Variants in UCK2 observed in about 807,000 individuals in gnomAD.
UCK2 encodes cytidine monophosphokinase 2.
A neutral mutation model predicts 30.8 loss-of-function variants in UCK2; 6 were observed. The ratio of observed to expected loss-of-function variants is 0.19; its 90% CI spans 0.11 to 0.38. The LOEUF (loss-of-function observed/expected upper bound fraction) is 0.38. Ranked by LOEUF, UCK2 falls within the 10% of genes least tolerant of loss-of-function variation. The probability of loss-of-function intolerance (pLI) is 1.00; values close to 1 mark genes in which losing one functional copy is unlikely to be tolerated. For synonymous variants in UCK2, 125 were observed against 133.6 expected (o/e 0.94, Z 0.45); for missense variants, 210 against 339.8 (o/e 0.62, Z 3.00).
At chr1:165,852,365 A>G (rs1437747034) in intron 1 of UCK2, among the ~76,000 whole-genome samples, 1 of 152,212 alleles carries the variant, frequency 6.6e-6, no homozygotes. Context: ...AACTTAAACA[A>G]ATTTACAAGA....
At chr1:165,892,576 G>A (rs12087157) in intron 3 of UCK2, 1 of 152,242 alleles carries the variant, frequency 6.6e-6, no homozygotes, top group Non-Finnish European at 1.5e-5. Context: ...TGTTGGCGTA[G>A]TAACCTGGAA....
chr1:165,827,893 C>A lies in UCK2; in HGVS notation c.60C>A (p.Pro20=). 1 of 1,477,074 alleles carries A rather than the reference C, an allele frequency of 6.8e-7. No homozygotes were observed. Among genetic ancestry groups the A allele is most frequent in the South Asian group, 1.4e-5 (1 of 72,728 alleles). The allele number at this position is 1,477,074 out of a possible 1,614,324, so 91.5% of individuals were successfully genotyped here. A position where few individuals can be genotyped will look rare whatever the true frequency, so the allele number is the denominator to read the frequency against. The change falls in exon 1 of 7, where the codon CCC becomes CCA. Residue 20 remains proline, a synonymous_variant. Coordinates refer to ENST00000367879, the MANE Select transcript of UCK2 (RefSeq NM_012474.5). ...QNHQQPNGGE[P]FLIGVSGGTA... Reference sequence around the variant, plus strand: ...ACCAGCAGCCCAACGGCGGCGAGCCCTTCCTTATAGGCGTCAGCGGGGGAA... The same window carrying A: ...ACCAGCAGCCCAACGGCGGCGAGCCATTCCTTATAGGCGTCAGCGGGGGAA...
intron 1 of UCK2, among the ~76,000 whole-genome samples, chr1:165,871,249 C>T (rs1655189661): frequency 6.6e-6 from 1 of 152,138 alleles, no homozygotes; most frequent in Non-Finnish European, 1.5e-5. Flanking sequence ...ACAGGATACC[C>T]TGCACAAGGT....
intron 1 of UCK2, among the ~76,000 whole-genome samples, chr1:165,878,939 G>T (rs1166141588): frequency 6.6e-6 from 1 of 152,238 alleles, no homozygotes; most frequent in East Asian, 1.9e-4. Flanking sequence ...TACCAGCAAT[G>T]AGTGAGAGTT....
chr1:165,860,864 G>T (rs1365786036), intron 1 of UCK2, among the ~76,000 whole-genome samples: 1 of 152,128 alleles, frequency 6.6e-6, no homozygotes, highest in Non-Finnish European at 1.5e-5. Flanking sequence ...AACCAAGTCT[G>T]CATGATTTGC....
chr1:165,847,869 C>G (rs1654490499), intron 1 of UCK2, among the ~76,000 whole-genome samples: 1 of 152,156 alleles, frequency 6.6e-6, no homozygotes. Flanking sequence ...TCTTGGCTCA[C>G]TACCTCTGCC....
intron 1 of UCK2, among the ~76,000 whole-genome samples, chr1:165,880,558 TTTTTGGGG>T (rs1422359730): frequency 3.0e-4 from 26 of 86,482 alleles, no homozygotes; most frequent in East Asian, 1.3e-3. Context: ...CATTCAGTTT[TTTTTGGGG>T]GTGTGTGTGT....
chr1:165,827,747 G>T lies in UCK2; in HGVS notation c.-87G>T. 2 of 1,187,732 alleles carry T rather than the reference G, an allele frequency of 1.7e-6. No individual in the cohort carries two copies. The highest frequency in any genetic ancestry group is 2.1e-6 in the Non-Finnish European group (2 of 930,826). 73.6% of individuals were successfully genotyped at this position (1,187,732 alleles called of 1,614,324 possible). ...GCCCCGGCAGCGCCCAGCGGCGGCTGCGGAAAGCGGAGGGAGTCCGACGCG... is the reference window on the plus strand; with the variant it reads ...GCCCCGGCAGCGCCCAGCGGCGGCTTCGGAAAGCGGAGGGAGTCCGACGCG... On this transcript the variant is annotated 5_prime_UTR_variant, in exon 1 of 7. Coordinates refer to ENST00000367879, the MANE Select transcript of UCK2 (RefSeq NM_012474.5).
At chr1:165,851,640 G>GA (rs931445838) in intron 1 of UCK2, among the ~76,000 whole-genome samples, 6 of 151,834 alleles carry the variant, frequency 4.0e-5, no homozygotes, top group African/African-American at 1.2e-4. Flanking sequence ...TAACACAAAG[G>GA]AAAAAAATGG....
At chr1:165,843,861 T>C (rs939992441) in intron 1 of UCK2, among the ~76,000 whole-genome samples, 2 of 152,246 alleles carry the variant, frequency 1.3e-5, no homozygotes, top group Admixed American at 6.5e-5. Context: ...ACTCTCTTGA[T>C]TCCACTGCCT....
chr1:165,889,055 A>T (rs1485739979), intron 1 of UCK2, among the ~76,000 whole-genome samples: 1 of 152,192 alleles, frequency 6.6e-6, no homozygotes, highest in Non-Finnish European at 1.5e-5. Context: ...ACTAACAACA[A>T]CACACAAAGC....
chr1:165,905,342 G>A (rs1022160109), intron 5 of UCK2, among the ~76,000 whole-genome samples: 6 of 152,066 alleles, frequency 3.9e-5, no homozygotes, highest in African/African-American at 1.4e-4. Flanking sequence ...AAATTAGCTG[G>A]GTGTGGTGGC....
At chr1:165,894,421 C>T (rs576740677) in intron 3 of UCK2, 1 of 152,180 alleles carries the variant, frequency 6.6e-6, no homozygotes, top group Non-Finnish European at 1.5e-5. Context: ...TGCACAATGA[C>T]AATGGGCACA....
chr1:165,846,656 AGT>A (rs1362108734), intron 1 of UCK2, among the ~76,000 whole-genome samples: 4 of 152,120 alleles, frequency 2.6e-5, no homozygotes, highest in African/African-American at 9.7e-5. Context: ...CACTGGGGAG[AGT>A]GTTTCATGTC....
At position 165,890,258 on chromosome 1, in the gene UCK2, C is replaced by T. The variant is rs992967987; in HGVS notation, c.154C>T (p.Arg52Cys). 6 of 1,614,120 alleles carry T rather than the reference C, an allele frequency of 3.7e-6. No individual in the cohort carries two copies. The highest frequency in any genetic ancestry group is 2.2e-5 in the East Asian group (1 of 44,876). The part of the protein sequence containing the change: ...QLLGQNEVDY[R>C]QKQVVILSQD... ...CCTGGGGCAGAATGAGGTGGACTATCGCCAGAAGCAGGTGGTCATCCTGAG... is the reference window on the plus strand; with the variant it reads ...CCTGGGGCAGAATGAGGTGGACTATTGCCAGAAGCAGGTGGTCATCCTGAG... Residue 52 changes from arginine to cysteine, a missense_variant, in exon 2 of 7, where the codon CGC becomes TGC. Arg to Cys is a radical substitution (Grantham distance 180). Coordinates refer to ENST00000367879, the MANE Select transcript of UCK2 (RefSeq NM_012474.5).
chr1:165,859,989 C>G (rs1654854644), intron 1 of UCK2, among the ~76,000 whole-genome samples: 1 of 152,242 alleles, frequency 6.6e-6, no homozygotes, highest in Non-Finnish European at 1.5e-5. Flanking sequence ...CGGGACCAGT[C>G]TTTACTCTTC....
chr1:165,835,788 T>C (rs1654173434), intron 1 of UCK2, among the ~76,000 whole-genome samples: 1 of 152,248 alleles, frequency 6.6e-6, no homozygotes, highest in Non-Finnish European at 1.5e-5. Context: ...TTTCATTTAT[T>C]TTTATGCTTG....
chr1:165,848,660 C>CACACA (rs1557834775), intron 1 of UCK2, among the ~76,000 whole-genome samples: 2 of 147,890 alleles, frequency 1.4e-5, no homozygotes, highest in South Asian at 4.3e-4. Context: ...ACACACACAC[C>CACACA]CACACACACA....
At chr1:165,838,456 T>G (rs1408289777) in intron 1 of UCK2, among the ~76,000 whole-genome samples, 2 of 152,214 alleles carry the variant, frequency 1.3e-5, no homozygotes, top group African/African-American at 4.8e-5. Context: ...CTCCTTCAAG[T>G]GTTGCTCACG....
Sources: gnomAD v4.1 joint callset for allele counts (sites outside exome capture counted in the v4.1 genomes callset) on GRCh38, gnomAD v4.1.1 for gene constraint, MANE v1.5 for transcripts, NCBI Gene and HGNC (gene_info 2026-07-23, HGNC 2026-07-21) for gene names.